Variants in SLC6A4 observed in about 807,000 individuals in gnomAD.
SLC6A4 encodes sodium-dependent serotonin transporter.
SLC6A4 carries 22 observed loss-of-function variants against 73.4 expected under a neutral mutation model. That is an observed-to-expected ratio of 0.30 (90% CI 0.21 to 0.43). The LOEUF (loss-of-function observed/expected upper bound fraction) is 0.43. Among genes scored for constraint, SLC6A4 ranks in the 20% least tolerant of loss-of-function variants. The pLI is 1.00. For synonymous variants in SLC6A4, 270 were observed against 315.5 expected, an observed-to-expected ratio of 0.86 and a Z score of 1.53; for missense variants, 593 against 808.5, an observed-to-expected ratio of 0.73 and a Z score of 3.23.
rs745885062 is a variant in SLC6A4, at chr17:30,218,355, T to A, written c.479-18A>T. 1 of 1,601,160 alleles carries A rather than the reference T, an allele frequency of 6.2e-7. No individual in the cohort carries two copies. Among genetic ancestry groups the A allele is most frequent in the South Asian group, 1.1e-5 (1 of 90,436 alleles). On this transcript the variant is annotated intron_variant, in intron 4 of 14. Transcript: ENST00000650711. ...ACCAATCCCTGGGCAGTGGGTGAGA[T>A]GGAGAGACAGAGGCCGAGTTTAAGG...
rs562356081 is a variant in SLC6A4 at position 30,224,230 on chromosome 17, T to G, written c.-220-1315A>C. On this transcript the variant is annotated intron_variant, in intron 1 of 14. Coordinates refer to ENST00000650711, the MANE Select transcript of SLC6A4 (RefSeq NM_001045.6). Reference sequence around the variant, plus strand: ...CCCACTGGCCCCACAGTTTTGTTTTTTTTTTTTTGAAACAGTCTTGCTCTG... The same window carrying G: ...CCCACTGGCCCCACAGTTTTGTTTTGTTTTTTTTGAAACAGTCTTGCTCTG... Among the ~76,000 whole-genome samples the G allele has an allele frequency of 2.2e-3, 332 of 152,034 alleles. 3 individuals carry two copies. The highest frequency in any genetic ancestry group is 7.5e-3 in the African/African-American group (311 of 41,466).
At position 30,211,749 on chromosome 17, in the gene SLC6A4, A is replaced by G. The variant is rs1490251081; in HGVS notation, c.1205-325T>C. On this transcript the variant is annotated intron_variant, in intron 9 of 14. Coordinates refer to ENST00000650711, the MANE Select transcript of SLC6A4 (RefSeq NM_001045.6). The surrounding 1 kb of genome is among the most constrained non-coding windows in gnomAD (Gnocchi z 4.0). ...AGAGTTTCCACCATATAACAATTCC[A>G]TGGGATTTCTCAGGACCAGGATTGA... 6.6e-6 allele frequency among the ~76,000 whole-genome samples: 1 copy of G among 152,146 alleles called. No individual in the cohort carries two copies. Among genetic ancestry groups the G allele is most frequent in the Non-Finnish European group, 1.5e-5 (1 of 68,026 alleles).
rs1906433333 is a variant in SLC6A4 at position 30,212,926 on chromosome 17, G to A, written c.1077-59C>T. On this transcript the variant is annotated intron_variant, in intron 8 of 14. Coordinates refer to ENST00000650711, the MANE Select transcript of SLC6A4 (RefSeq NM_001045.6). The stretch of plus-strand genomic sequence containing the variant: ...AGTTCCAAGATCAGGGGTCTAAGGA[G>A]CATCTGTCCGTGTGCCTGCCCTGCC... The A allele has an allele frequency of 8.2e-6, 13 of 1,589,106 alleles. No homozygotes were observed. In the South Asian group the frequency reaches 1.3e-4, roughly 16 times the overall value.
intron 1 of SLC6A4, among the ~76,000 whole-genome samples, chr17:30,231,966 G>A (rs778213482): frequency 6.6e-6 from 1 of 152,196 alleles, no homozygotes. Flanking sequence ...CTCAAGAGCC[G>A]TGGGTGAGCT....
In SLC6A4 at chr17:30,218,940, G is replaced by A; in HGVS notation, c.344-9C>T. ...GGGGAGGAGGAATGCCCCTGAGGCA[G>A]ATGAAAGACAATTTCACTCCCTGCC... On this transcript the variant is annotated splice_polypyrimidine_tract_variant and intron_variant, in intron 3 of 14. Transcript: ENST00000650711. 2 of 1,613,900 alleles carry A rather than the reference G, an allele frequency of 1.2e-6. No individual in the cohort carries two copies. Among genetic ancestry groups the A allele is most frequent in the East Asian group, 2.2e-5 (1 of 44,882 alleles).
Position 30,234,346 on chromosome 17 carries a change from A to G in SLC6A4, c.-221+1267T>C, listed in dbSNP as rs565041844. ...ACTTTCAATCTGTTCTTTAGTGGGA[A>G]AAAGAAAGAAAGAAAGAAAAGAGGA... is the stretch of plus-strand genomic sequence containing the variant. On this transcript the variant is annotated intron_variant, in intron 1 of 14. Transcript: ENST00000650711. Among the ~76,000 whole-genome samples the G allele has an allele frequency of 1.1e-4, 17 of 152,202 alleles. No homozygotes were observed. The South Asian group carries it at 2.7e-3, about 24-fold the overall frequency.
At chr17:30,214,936 C>CTCTTTCTT (rs199760881) in intron 8 of SLC6A4, among the ~76,000 whole-genome samples, 2 of 150,988 alleles carry the variant, frequency 1.3e-5, no homozygotes, top group South Asian at 2.1e-4. Context: ...CCCCGTCTCT[C>CTCTTTCTT]TCTTTCTTTC....
Position 30,211,483 on chromosome 17 carries a change from A to G in SLC6A4, c.1205-59T>C, listed in dbSNP as rs1266353475. The G allele has an allele frequency of 1.8e-5, 18 of 1,026,314 alleles. No individual in the cohort carries two copies. Among genetic ancestry groups the G allele is most frequent in the Non-Finnish European group, 2.8e-5 (18 of 647,352 alleles). The allele number at this position is 1,026,314 out of a possible 1,614,324, so 63.6% of individuals were successfully genotyped here. A position where few individuals can be genotyped will look rare whatever the true frequency, so the allele number is the denominator to read the frequency against. ...ACAAGACCTGTCCTACAAAGATGTCACAGAGGAAAACTCAGCCACAACAAC... is the reference window on the plus strand; with the variant it reads ...ACAAGACCTGTCCTACAAAGATGTCGCAGAGGAAAACTCAGCCACAACAAC... On this transcript the variant is annotated intron_variant, in intron 9 of 14. Transcript: ENST00000650711. The surrounding 1 kb of genome is among the most constrained non-coding windows in gnomAD (Gnocchi z 4.0).
intron 8 of SLC6A4, among the ~76,000 whole-genome samples, chr17:30,213,396 G>A (rs536182252): frequency 8.8e-5 from 13 of 147,090 alleles, no homozygotes; most frequent in East Asian, 8.1e-4. Flanking sequence ...TCTGCCTCCC[G>A]GGTTCAGGTG....
At chr17:30,201,266 A>G (rs1906024609) in intron 14 of SLC6A4, among the ~76,000 whole-genome samples, 6 of 152,232 alleles carry the variant, frequency 3.9e-5, no homozygotes, top group Admixed American at 3.9e-4. Flanking sequence ...AGTACCTGCC[A>G]GAGCCGACTA....
chr17:30,228,085 C>A (rs1906983356), intron 1 of SLC6A4, among the ~76,000 whole-genome samples: 1 of 152,204 alleles, frequency 6.6e-6, no homozygotes, highest in East Asian at 1.9e-4. Flanking sequence ...ATATAAACAG[C>A]CAAGCCCAGA....
chr17:30,217,102 T>G (rs1016289131), intron 6 of SLC6A4, 64 bp downstream of exon 6: 22 of 1,483,968 alleles, frequency 1.5e-5, no homozygotes, highest in South Asian at 9.8e-5. Flanking sequence ...GGCTACTGGG[T>G]TTTGAGTTTG....
In SLC6A4 at chr17:30,210,549, G is replaced by T. The variant is rs777035735; in HGVS notation, c.1415C>A (p.Thr472Asn). The change falls in exon 11 of 15, where the codon ACC becomes AAC. Residue 472 changes from threonine to asparagine, a missense_variant. Physicochemically the swap from Thr to Asn is moderately conservative, Grantham distance 65 (BLOSUM62 0). Coordinates refer to ENST00000650711, the MANE Select transcript of SLC6A4 (RefSeq NM_001045.6). ...RERFVLAVVITCFFGSLVTLT... is the reference protein window; with the variant it reads ...RERFVLAVVINCFFGSLVTLT... ...GGTGACCAGGGATCCAAAGAAGCAG[G>T]TGATGACCACGGCGAGCACGAACCG... is the stretch of plus-strand genomic sequence containing the variant. 6.2e-7 allele frequency: 1 copy of T among 1,613,760 alleles called. No individual in the cohort carries two copies.
chr17:30,214,940 T>C (rs573175941), intron 8 of SLC6A4, among the ~76,000 whole-genome samples: 5 of 142,234 alleles, frequency 3.5e-5, no homozygotes, highest in Admixed American at 6.8e-5. Flanking sequence ...GTCTCTCTCT[T>C]TCTTTCTTTC....
At chr17:30,215,052 TC>T (rs1170330740) in intron 8 of SLC6A4, among the ~76,000 whole-genome samples, 50 of 151,232 alleles carry the variant, frequency 3.3e-4, no homozygotes, top group East Asian at 2.7e-3. Context: ...TCTTTATTTC[TC>T]TCTCTCTCTT....
intron 6 of SLC6A4, among the ~76,000 whole-genome samples, chr17:30,216,793 C>A (rs538066733): frequency 6.6e-6 from 1 of 151,798 alleles, no homozygotes; most frequent in Admixed American, 6.5e-5. Flanking sequence ...CTCAGCCTCC[C>A]GAGTAGCTGG....
chr17:30,224,383 A>G (rs1476209312), intron 1 of SLC6A4, among the ~76,000 whole-genome samples: 1 of 151,974 alleles, frequency 6.6e-6, no homozygotes, highest in African/African-American at 2.4e-5. Flanking sequence ...ATGCCCGGCT[A>G]ATTTTTATAT....
At position 30,218,280 on chromosome 17, in the gene SLC6A4, A is replaced by G; in HGVS notation, c.536T>C (p.Ile179Thr). 6.2e-7 allele frequency: 1 copy of G among 1,614,204 alleles called. No homozygotes were observed. The highest frequency in any genetic ancestry group is 1.1e-5 in the South Asian group (1 of 91,080). The change falls in exon 5 of 15, where the codon ATC becomes ACC. Residue 179 changes from isoleucine to threonine, a missense_variant. Physicochemically the swap from Ile to Thr is moderately conservative, Grantham distance 89. Coordinates refer to ENST00000650711, the MANE Select transcript of SLC6A4 (RefSeq NM_001045.6). ...AFYIASYYNTIMAWALYYLIS... is the reference protein window; with the variant it reads ...AFYIASYYNTTMAWALYYLIS... ...GAGGTAGTATAGCGCCCAGGCCATGATGGTGTTGTAGTAGGAAGCAATGTA... is the reference window on the plus strand; with the variant it reads ...GAGGTAGTATAGCGCCCAGGCCATGGTGGTGTTGTAGTAGGAAGCAATGTA...
Position 30,211,200 on chromosome 17 carries a change from G to A in SLC6A4, c.1317+112C>T, listed in dbSNP as rs1906374371. On this transcript the variant is annotated intron_variant, in intron 10 of 14. Transcript: ENST00000650711. This position sits in a 1 kb window ranked among gnomAD's most constrained non-coding sequence, Gnocchi z 4.0. The stretch of plus-strand genomic sequence containing the variant: ...CGGGGGTCTGGAGCACCAGAAGGGA[G>A]TAGCCAAAGCTGCCTGGGATGGCCA... 1.3e-5 allele frequency: 9 copies of A among 693,246 alleles called. No individual in the cohort carries two copies. In the South Asian group the frequency reaches 1.6e-4, roughly 12 times the overall value. The allele number at this position is 693,246 out of a possible 1,614,324, so 42.9% of individuals were successfully genotyped here. A position where few individuals can be genotyped will look rare whatever the true frequency, so the allele number is the denominator to read the frequency against.
Sources: gnomAD v4.1 joint callset for allele counts (sites outside exome capture counted in the v4.1 genomes callset) on GRCh38, gnomAD v4.1.1 for gene constraint, Gnocchi (gnomAD v3.1) non-coding constraint, MANE v1.5 for transcripts, NCBI Gene and HGNC (gene_info 2026-07-23, HGNC 2026-07-21) for gene names.